The following ARHGEF28 variants were observed in gnomAD, a reference collection of about 807,000 sequenced individuals.
ARHGEF28 encodes 190 kDa guanine nucleotide exchange factor.
A neutral mutation model predicts 206.6 loss-of-function variants in ARHGEF28; 152 were observed. That is an observed-to-expected ratio of 0.74 (90% CI 0.64 to 0.84). The LOEUF is 0.84. ARHGEF28 is among the 40% of genes least tolerant of loss of function. ARHGEF28 has a pLI of 0.00. For synonymous variants in ARHGEF28, 763 were observed against 776.4 expected (o/e 0.98, Z 0.29); for missense variants, 2,028 against 2,073.2 (o/e 0.98, Z 0.42).
chr5:73,918,229 C>T (rs570949687), intron 35 of ARHGEF28, among the ~76,000 whole-genome samples: 1 of 152,286 alleles, frequency 6.6e-6, no homozygotes, highest in South Asian at 2.1e-4. Flanking sequence ...TGCAAGCCAT[C>T]GGATCTTTGT....
rs577977613 is a variant in ARHGEF28, at chr5:73,638,032, G to A, written c.-12+11710G>A. ...TAGAAACAAGTGAATTTAAGAAATT[G>A]ATGTTTTAATTAAAATCTGTAATTG... On this transcript the variant is annotated intron_variant, in intron 1 of 35. Transcript: ENST00000513042. Among the ~76,000 whole-genome samples the A allele has an allele frequency of 2.6e-5, 4 of 152,220 alleles. No individual in the cohort carries two copies. In the South Asian group the frequency reaches 8.3e-4, roughly 32 times the overall value.
chr5:73,678,542 T>C (rs1580472471), intron 1 of ARHGEF28, among the ~76,000 whole-genome samples: 1 of 152,196 alleles, frequency 6.6e-6, no homozygotes, highest in South Asian at 2.1e-4. Context: ...GACTGAAAAG[T>C]GCAAAGCGTT....
At chr5:73,816,133 C>T (rs1030493591) in intron 9 of ARHGEF28, among the ~76,000 whole-genome samples, 4 of 152,066 alleles carry the variant, frequency 2.6e-5, no homozygotes, top group African/African-American at 9.7e-5. Flanking sequence ...GTGCCAGGCA[C>T]TGTTCTTGAG....
chr5:73,898,979 T>A (rs1411347064), intron 30 of ARHGEF28: 1 of 152,168 alleles, frequency 6.6e-6, no homozygotes, highest in Non-Finnish European at 1.5e-5. Flanking sequence ...TAAATTGAAC[T>A]CAGAACTTCT....
chr5:73,741,385 G>GTGTGTA (rs1561371055), intron 2 of ARHGEF28, among the ~76,000 whole-genome samples: 1 of 21,860 alleles, frequency 4.6e-5, no homozygotes, highest in African/African-American at 2.5e-4. Context: ...GTGTGTGTGT[G>GTGTGTA]TATATATATA....
intron 35 of ARHGEF28, among the ~76,000 whole-genome samples, chr5:73,929,654 C>T (rs1764000199): frequency 6.6e-6 from 1 of 152,012 alleles, no homozygotes; most frequent in African/African-American, 2.4e-5. Context: ...TCCATTTTGC[C>T]ATATTTATTT....
intron 33 of ARHGEF28, among the ~76,000 whole-genome samples, chr5:73,907,101 T>C (rs1762596857): frequency 6.6e-6 from 1 of 152,210 alleles, no homozygotes; most frequent in South Asian, 2.1e-4. Context: ...ATGCTTTTAG[T>C]GTCTTAGGTT....
At chr5:73,877,053 G>T (rs1760553825) in intron 22 of ARHGEF28, among the ~76,000 whole-genome samples, 1 of 130,256 alleles carries the variant, frequency 7.7e-6, no homozygotes, top group Non-Finnish European at 1.6e-5. Flanking sequence ...TCTGGTCCTG[G>T]ACTCTTTTTG....
intron 1 of ARHGEF28, among the ~76,000 whole-genome samples, chr5:73,638,813 T>C (rs2703640): frequency 0.4 from 60,277 of 152,074 alleles, 14,304 homozygotes; most frequent in African/African-American, 0.67. Context: ...GTTGTTTTGA[T>C]AGGAAGTGTA....
chr5:73,872,535 G>T (rs1196084082), intron 21 of ARHGEF28, among the ~76,000 whole-genome samples: 1 of 152,154 alleles, frequency 6.6e-6, no homozygotes, highest in Non-Finnish European at 1.5e-5. Flanking sequence ...GCCATAGAAA[G>T]GACCTATGGT....
intron 9 of ARHGEF28, among the ~76,000 whole-genome samples, chr5:73,827,163 A>T (rs1010617930): frequency 6.6e-6 from 1 of 151,988 alleles, no homozygotes; most frequent in Non-Finnish European, 1.5e-5. Flanking sequence ...CTTTCTCTTC[A>T]CATTTTATGT....
chr5:73,904,368 C>G lies in ARHGEF28; in HGVS notation c.4124C>G (p.Ala1375Gly). ...AATTTTGTTTTTCAGATTATACAAG[C>G]CATACAGAATTTAACCCGTCTCTTA... ...PGSSQSEIIQ[A>G]IQNLTRLLYS... The change falls in exon 33 of 36, where the codon GCC (alanine) becomes GGC (glycine). Residue 1375 changes from alanine to glycine, a missense_variant. By Grantham distance (60) the Ala-to-Gly change is moderately conservative. Transcript: ENST00000513042. The G allele has an allele frequency of 6.2e-7, 1 of 1,613,068 alleles. No homozygotes were observed. Among genetic ancestry groups the G allele is most frequent in the Non-Finnish European group, 8.5e-7 (1 of 1,179,466 alleles).
chr5:73,811,538 G>C (rs1755835372), intron 9 of ARHGEF28, among the ~76,000 whole-genome samples: 2 of 152,164 alleles, frequency 1.3e-5, no homozygotes, highest in African/African-American at 4.8e-5. Flanking sequence ...AAAATCAAGA[G>C]TGAATGTAAA....
At chr5:73,880,815 C>A (rs947410606) in intron 22 of ARHGEF28, among the ~76,000 whole-genome samples, 1 of 152,000 alleles carries the variant, frequency 6.6e-6, no homozygotes. Context: ...CACTTGTAGT[C>A]CCAGCTATTT....
At chr5:73,884,295 G>A (rs1427030109) in intron 24 of ARHGEF28, among the ~76,000 whole-genome samples, 1 of 152,172 alleles carries the variant, frequency 6.6e-6, no homozygotes, top group Non-Finnish European at 1.5e-5. Context: ...ATTATAAGAA[G>A]GATCTATTTT....
rs528328060 is a variant in ARHGEF28, at chr5:73,835,585, C to T, written c.1146+3126C>T. Among the ~76,000 whole-genome samples the T allele has an allele frequency of 6.6e-5, 10 of 152,180 alleles. No individual in the cohort carries two copies. The East Asian group carries it at 1.9e-3, about 29-fold the overall frequency. ...GGGTGTGGAAACTCTGTGCCCCTTC[C>T]GGAGTTCCTTGCCCTAAGCATCTCT... On this transcript the variant is annotated intron_variant, in intron 10 of 35. Coordinates refer to ENST00000513042, the MANE Select transcript of ARHGEF28 (RefSeq NM_001177693.2).
chr5:73,929,072 C>G (rs1224016078), intron 35 of ARHGEF28, among the ~76,000 whole-genome samples: 1 of 152,106 alleles, frequency 6.6e-6, no homozygotes, highest in East Asian at 1.9e-4. Flanking sequence ...AGAAAAGTTC[C>G]TACTTCTTAA....
chr5:73,822,647 T>A (rs1438381667), intron 9 of ARHGEF28, among the ~76,000 whole-genome samples: 1 of 152,148 alleles, frequency 6.6e-6, no homozygotes, highest in East Asian at 1.9e-4. Context: ...CCATTTTTTT[T>A]AGAGACAGAG....
At position 73,911,595 on chromosome 5, in the gene ARHGEF28, T is replaced by C. The variant is rs771476292; in HGVS notation, c.4948+20T>C. On this transcript the variant is annotated intron_variant, in intron 35 of 35. Transcript: ENST00000513042. ...AAAATGGTAATTAACACTTTAAACA[T>C]CATCTGTATAGTTTGAACAAGAAGT... 2 of 1,562,678 alleles carry C rather than the reference T, an allele frequency of 1.3e-6. No homozygotes were observed. Among genetic ancestry groups the C allele is most frequent in the East Asian group, 4.7e-5 (2 of 42,836 alleles).
Sources: gnomAD v4.1 joint callset for allele counts (sites outside exome capture counted in the v4.1 genomes callset) on GRCh38, gnomAD v4.1.1 for gene constraint, MANE v1.5 for transcripts, NCBI Gene and HGNC (gene_info 2026-07-23, HGNC 2026-07-21) for gene names.